The following CDH20 variants were observed in gnomAD, a reference collection of about 807,000 sequenced individuals.
CDH20 encodes cadherin-20.
CDH20 carries 29 observed loss-of-function variants against 74.2 expected under a neutral mutation model. That is an observed-to-expected ratio of 0.39 (90% CI 0.29 to 0.53). CDH20 has a LOEUF of 0.53. Ranked by LOEUF, CDH20 falls within the 20% of genes least tolerant of loss-of-function variation. The pLI is 0.69. For missense variants in CDH20, 988 were observed against 1,048.3 expected (o/e 0.94, Z 0.79); for synonymous variants, 469 against 405.4 (o/e 1.16, Z -1.88).
intron 6 of CDH20, among the ~76,000 whole-genome samples, chr18:61,525,521 T>C (rs1424054839): frequency 6.6e-6 from 1 of 152,132 alleles, no homozygotes; most frequent in African/African-American, 2.4e-5. Context: ...CTGGCAGATT[T>C]CCCTGTTTAT....
At chr18:61,549,902 T>TGCCCCC in intron 10 of CDH20, 76 bp from the exon 11 acceptor site, 1 of 1,488,460 alleles carries the variant, frequency 6.7e-7, no homozygotes, top group South Asian at 1.2e-5. Flanking sequence ...ACCCTGCCCC[T>TGCCCCC]GCCCCCTTGC....
chr18:61,474,623 G>A (rs1599110035), intron 1 of CDH20, among the ~76,000 whole-genome samples: 1 of 152,132 alleles, frequency 6.6e-6, no homozygotes, highest in Non-Finnish European at 1.5e-5. Context: ...TTGCTGAATC[G>A]TTGTTCACTT....
chr18:61,495,488 C>T (rs550631363), intron 2 of CDH20, among the ~76,000 whole-genome samples: 39 of 152,328 alleles, frequency 2.6e-4, no homozygotes, highest in African/African-American at 9.1e-4. Flanking sequence ...GTTCTGCCTG[C>T]CGGTAGAAGG....
At chr18:61,532,041 T>C (rs1019553715) in intron 7 of CDH20, among the ~76,000 whole-genome samples, 11 of 152,176 alleles carry the variant, frequency 7.2e-5, no homozygotes, top group Non-Finnish European at 1.5e-4. Context: ...CCTTAGACAA[T>C]CTCTTATAGA....
intron 1 of CDH20, among the ~76,000 whole-genome samples, chr18:61,452,582 C>T (rs1486188028): frequency 2.6e-5 from 4 of 152,276 alleles, no homozygotes; most frequent in East Asian, 3.9e-4. Flanking sequence ...TTGTCTACCA[C>T]GAATCGCCAT....
chr18:61,546,114 C>T (rs1485806361), intron 10 of CDH20, among the ~76,000 whole-genome samples: 2 of 152,192 alleles, frequency 1.3e-5, no homozygotes, highest in Non-Finnish European at 2.9e-5. Context: ...AGCCAGCTGA[C>T]CCTGGGAAGG....
chr18:61,498,125 C>A (rs1378975514), intron 2 of CDH20, among the ~76,000 whole-genome samples: 1 of 152,074 alleles, frequency 6.6e-6, no homozygotes, highest in African/African-American at 2.4e-5. Context: ...TCTGGCTGGG[C>A]GTGGTGACTC....
intron 1 of CDH20, among the ~76,000 whole-genome samples, chr18:61,487,304 T>C (rs1910802302): frequency 6.6e-6 from 1 of 152,180 alleles, no homozygotes; most frequent in African/African-American, 2.4e-5. Context: ...GAGAACCACC[T>C]CATTTATAAT....
At chr18:61,489,064 AAGAG>A (rs2144293518) in intron 1 of CDH20, among the ~76,000 whole-genome samples, 1 of 152,368 alleles carries the variant, frequency 6.6e-6, no homozygotes, top group African/African-American at 2.4e-5. Flanking sequence ...TGGAGCTCAT[AAGAG>A]GCACAGCCTC....
At chr18:61,541,950 C>G (rs557557960) in intron 9 of CDH20, among the ~76,000 whole-genome samples, 1 of 151,860 alleles carries the variant, frequency 6.6e-6, no homozygotes, top group African/African-American at 2.4e-5. Context: ...GCGGGCCATG[C>G]GCTCCCAACC....
At chr18:61,339,942 G>A (rs756097621) in intron 1 of CDH20, among the ~76,000 whole-genome samples, 8 of 151,862 alleles carry the variant, frequency 5.3e-5, no homozygotes, top group South Asian at 2.1e-4. Context: ...CGCCCGCCTC[G>A]GCCTCGCAAA....
In CDH20 at chr18:61,554,275, C is replaced by T. The variant is rs781612330; in HGVS notation, c.1986C>T (p.Ile662=). Residue 662 remains isoleucine, a synonymous_variant, in exon 12 of 12, where the codon ATC becomes ATT. Transcript: ENST00000262717. ...IDDEENIHEN[I]VRYDDEGGGE... is the part of the protein sequence containing the mutation. ...ACGAGGAAAACATCCACGAGAACAT[C>T]GTCCGCTACGACGACGAGGGCGGCG... 7 of 1,613,888 alleles carry T rather than the reference C, an allele frequency of 4.3e-6. No homozygotes were observed. The highest frequency in any genetic ancestry group is 2.2e-5 in the East Asian group (1 of 44,884).
intron 1 of CDH20, among the ~76,000 whole-genome samples, chr18:61,360,731 G>T (rs1316250138): frequency 6.6e-6 from 1 of 152,222 alleles, no homozygotes; most frequent in Non-Finnish European, 1.5e-5. Context: ...TGCATGACAG[G>T]TTAAGTGAAT....
chr18:61,458,590 G>A (rs975340414), intron 1 of CDH20, among the ~76,000 whole-genome samples: 2 of 152,162 alleles, frequency 1.3e-5, no homozygotes, highest in African/African-American at 4.8e-5. Context: ...CAGGGTTGGG[G>A]AATCAGGCTT....
At chr18:61,391,492 C>T (rs1221345757) in intron 1 of CDH20, 1 of 151,990 alleles carries the variant, frequency 6.6e-6, no homozygotes, top group Non-Finnish European at 1.5e-5. Context: ...AAAAGTCCAT[C>T]GGTAGGAGAT....
intron 6 of CDH20, 73 bp downstream of exon 6, chr18:61,507,633 T>G: frequency 9.2e-7 from 1 of 1,088,666 alleles, no homozygotes; most frequent in Non-Finnish European, 1.3e-6. Flanking sequence ...TAAGGACTGT[T>G]GTATTATTGA....
At chr18:61,387,371 T>C (rs991622875) in intron 1 of CDH20, among the ~76,000 whole-genome samples, 1 of 152,142 alleles carries the variant, frequency 6.6e-6, no homozygotes, top group African/African-American at 2.4e-5. Context: ...TGCAGCAACA[T>C]GTTCTTCAGT....
rs756236176 is a variant in CDH20, at chr18:61,526,812, C to T, written c.1018-1155C>T. Among the ~76,000 whole-genome samples, 8 of 152,296 alleles carry T rather than the reference C, an allele frequency of 5.3e-5. No homozygotes were observed. The East Asian group carries it at 7.7e-4, about 15-fold the overall frequency. On this transcript the variant is annotated intron_variant, in intron 6 of 11. Coordinates refer to ENST00000262717, the MANE Select transcript of CDH20 (RefSeq NM_031891.4). ...AGTCCTTGTGGAAGAGCTGTAACCA[C>T]GTCAGCATACTCCAGGCTTCTGAGC...
At chr18:61,412,814 A>G (rs1178638497) in intron 1 of CDH20, among the ~76,000 whole-genome samples, 1 of 152,196 alleles carries the variant, frequency 6.6e-6, no homozygotes, top group Non-Finnish European at 1.5e-5. Context: ...AGGCTATCAT[A>G]GCATATGTTA....
Sources: allele counts gnomAD v4.1 joint callset (sites outside exome capture counted in the v4.1 genomes callset), GRCh38; gene constraint gnomAD v4.1.1; transcripts MANE v1.5; gene names NCBI Gene and HGNC (gene_info 2026-07-23, HGNC 2026-07-21).